The following JAKMIP2 variants were observed in gnomAD, a reference collection of about 807,000 sequenced individuals.
JAKMIP2 encodes janus kinase and microtubule interacting protein 2.
A neutral mutation model predicts 115.0 loss-of-function variants in JAKMIP2; 25 were observed. The ratio of observed to expected loss-of-function variants is 0.22; its 90% CI spans 0.16 to 0.30. JAKMIP2 has a LOEUF of 0.30. Among genes scored for constraint, JAKMIP2 ranks in the 10% least tolerant of loss-of-function variants. JAKMIP2 has a pLI of 1.00. For synonymous variants in JAKMIP2, 334 were observed against 343.6 expected, an observed-to-expected ratio of 0.97 and a Z score of 0.31; for missense variants, 642 against 957.6, an observed-to-expected ratio of 0.67 and a Z score of 4.35.
chr5:147,624,398 G>A (rs945214226), intron 16 of JAKMIP2, among the ~76,000 whole-genome samples: 1 of 152,150 alleles, frequency 6.6e-6, no homozygotes. Context: ...GTTCCAAGTG[G>A]AAGGGACAAC....
Position 147,661,051 on chromosome 5 carries a change from T to C in JAKMIP2, c.524A>G (p.Gln175Arg), listed in dbSNP as rs1758936603. The part of the protein sequence containing the change: ...QVDEALSNMI[Q>R]ADKIKAGDLR... ...GTCCCCAGCCTTGATTTTATCTGCT[T>C]GGATCATATTGCTCAGAGCCTCGTC... The change falls in exon 3 of 22, where the codon CAA becomes CGA. Residue 175 changes from glutamine (Q) to arginine (R), a missense_variant. Physicochemically the swap from Gln to Arg is conservative, Grantham distance 43 (BLOSUM62 1). This residue lies in a region of JAKMIP2 where 439 missense variants were observed against 570.9 expected (regional missense o/e 0.77). Coordinates refer to ENST00000616793, the MANE Select transcript of JAKMIP2 (RefSeq NM_001270941.2). The C allele has an allele frequency of 6.2e-7, 1 of 1,613,964 alleles. No homozygotes were observed. Among genetic ancestry groups the C allele is most frequent in the Admixed American group, 1.7e-5 (1 of 60,002 alleles).
At chr5:147,690,642 T>C (rs1208114229) in intron 1 of JAKMIP2, among the ~76,000 whole-genome samples, 2 of 148,594 alleles carry the variant, frequency 1.3e-5, no homozygotes, top group Non-Finnish European at 3.0e-5. Flanking sequence ...TAAAAACATT[T>C]TGGAAAGATA....
chr5:147,757,658 G>T (rs772715097), intron 1 of JAKMIP2, among the ~76,000 whole-genome samples: 11 of 152,008 alleles, frequency 7.2e-5, no homozygotes, highest in Non-Finnish European at 1.5e-4. Flanking sequence ...TTTCAGAGCC[G>T]CTGTGATAAT....
At chr5:147,666,590 TAAG>T (rs1185462534) in intron 2 of JAKMIP2, among the ~76,000 whole-genome samples, 1 of 152,326 alleles carries the variant, frequency 6.6e-6, no homozygotes, top group Middle Eastern at 3.4e-3. Context: ...CAAGTTGTGA[TAAG>T]AAAAGTGAGA....
At chr5:147,771,353 G>T (rs151108178) in intron 1 of JAKMIP2, among the ~76,000 whole-genome samples, 206 of 151,740 alleles carry the variant, frequency 1.4e-3, no homozygotes, top group African/African-American at 4.8e-3. Context: ...GATGGTAAAA[G>T]GTATGCAACA....
intron 21 of JAKMIP2, among the ~76,000 whole-genome samples, chr5:147,596,783 A>AGCTTT (rs1394627767): frequency 6.6e-6 from 1 of 152,212 alleles, no homozygotes; most frequent in East Asian, 1.9e-4. Context: ...ATATTTACAC[A>AGCTTT]AAAAGGAATT....
rs1417470206 is a variant in JAKMIP2 at position 147,588,319 on chromosome 5, T to A, written c.*3388A>T. ...TAAGTTAATGAACCCGGAAGAATGC[T>A]GTTCTGACTGCTACAAACTCAGTAG... On this transcript the variant is annotated 3_prime_UTR_variant, in exon 22 of 22. Coordinates refer to ENST00000616793, the MANE Select transcript of JAKMIP2 (RefSeq NM_001270941.2). 1.3e-5 allele frequency: 2 copies of A among 152,104 alleles called. No individual in the cohort carries two copies. Among genetic ancestry groups the A allele is most frequent in the African/African-American group, 4.8e-5 (2 of 41,416 alleles). 9.4% of individuals were successfully genotyped at this position (152,104 alleles called of 1,614,324 possible). A position where few individuals can be genotyped will look rare whatever the true frequency, so the allele number is the denominator to read the frequency against.
chr5:147,618,218 C>T (rs958466803), intron 18 of JAKMIP2, 104 bp from the exon 19 acceptor site: 3 of 784,134 alleles, frequency 3.8e-6, no homozygotes, highest in Non-Finnish European at 4.3e-6. Context: ...CAACTTTAGG[C>T]TTATAGGATC....
chr5:147,711,760 T>C (rs1280160198), intron 1 of JAKMIP2, among the ~76,000 whole-genome samples: 2 of 152,116 alleles, frequency 1.3e-5, no homozygotes, highest in Non-Finnish European at 2.9e-5. Flanking sequence ...CTCCACCTCC[T>C]GGGTTGAAGC....
chr5:147,620,765 A>G, intron 17 of JAKMIP2, 22 bp from the exon 18 acceptor site: 2 of 1,565,214 alleles, frequency 1.3e-6, no homozygotes, highest in Non-Finnish European at 1.8e-6. Flanking sequence ...GGCCATATTG[A>G]TAGAGTCAGC....
intron 20 of JAKMIP2, among the ~76,000 whole-genome samples, chr5:147,610,891 G>C (rs1370238338): frequency 2.0e-5 from 3 of 152,232 alleles, no homozygotes; most frequent in Admixed American, 2.0e-4. Flanking sequence ...CCAGAGAGGA[G>C]GAATCTAGAC....
At chr5:147,744,095 C>A (rs1224806981) in intron 1 of JAKMIP2, among the ~76,000 whole-genome samples, 1 of 149,512 alleles carries the variant, frequency 6.7e-6, no homozygotes, top group Non-Finnish European at 1.5e-5. Flanking sequence ...CTCATTAAAG[C>A]AAGTTGCTTC....
At chr5:147,665,472 C>T (rs1759248052) in intron 2 of JAKMIP2, among the ~76,000 whole-genome samples, 1 of 152,180 alleles carries the variant, frequency 6.6e-6, no homozygotes. Flanking sequence ...TCAATTTCTG[C>T]AGGATGCACT....
intron 7 of JAKMIP2, among the ~76,000 whole-genome samples, chr5:147,643,706 T>C (rs1221067061): frequency 2.6e-5 from 4 of 152,218 alleles, no homozygotes; most frequent in African/African-American, 2.4e-5. Flanking sequence ...GTTGTTAGCA[T>C]AGACAACATA....
intron 5 of JAKMIP2, 66 bp downstream of exon 5, chr5:147,648,310 A>G (rs1342432087): frequency 1.2e-6 from 1 of 818,132 alleles, no homozygotes; most frequent in East Asian, 2.4e-5. Flanking sequence ...TATCTATAAC[A>G]TAGTATGTAA....
intron 1 of JAKMIP2, among the ~76,000 whole-genome samples, chr5:147,704,211 C>A (rs546486365): frequency 6.6e-6 from 1 of 152,202 alleles, no homozygotes; most frequent in South Asian, 2.1e-4. Flanking sequence ...GCAACATAGT[C>A]TTTTATTATC....
chr5:147,638,051 ATAAT>A (rs1213289538), intron 10 of JAKMIP2, among the ~76,000 whole-genome samples: 1 of 152,192 alleles, frequency 6.6e-6, no homozygotes, highest in Non-Finnish European at 1.5e-5. Context: ...GGTCCAAAAA[ATAAT>A]TAATTTTGCT....
At chr5:147,635,906 C>CGT (rs200700426) in intron 12 of JAKMIP2, among the ~76,000 whole-genome samples, 1 of 151,654 alleles carries the variant, frequency 6.6e-6, no homozygotes, top group Admixed American at 6.6e-5. Context: ...AGGATGTGCA[C>CGT]GTGTGTGTGT....
chr5:147,706,716 GCTCT>G (rs533400819), intron 1 of JAKMIP2, among the ~76,000 whole-genome samples: 226 of 152,206 alleles, frequency 1.5e-3, no homozygotes, highest in African/African-American at 4.7e-3. Flanking sequence ...CAAAGGACAT[GCTCT>G]TCAGAGCATT....
Sources: gnomAD v4.1 joint callset for allele counts (sites outside exome capture counted in the v4.1 genomes callset) on GRCh38, gnomAD v4.1.1 for gene constraint, gnomAD v4.1.1 regional missense constraint, MANE v1.5 for transcripts, NCBI Gene and HGNC (gene_info 2026-07-23, HGNC 2026-07-21) for gene names.